Variants in TCAIM observed in about 807,000 individuals in gnomAD.
TCAIM encodes the protein T-cell activation inhibitor, mitochondrial.
Under a neutral mutation model 58.6 loss-of-function variants are expected in TCAIM, and 36 were observed. The ratio of observed to expected loss-of-function variants is 0.61; its 90% confidence interval spans 0.47 to 0.81. The LOEUF is 0.81. Ranked by LOEUF, TCAIM falls within the 30% of genes least tolerant of loss-of-function variation. TCAIM has a pLI of 0.00. For synonymous variants in TCAIM, 172 were observed against 193.6 expected (o/e 0.89, Z 0.93); for missense variants, 466 against 579.6 (o/e 0.80, Z 2.01).
chr3:44,358,919 A>G, intron 3 of TCAIM: 1 of 985,366 alleles, frequency 1.0e-6, no homozygotes, highest in Non-Finnish European at 1.2e-6. Flanking sequence ...ATGATATGTG[A>G]TATGTTGGCT....
chr3:44,392,782 G>A, intron 5 of TCAIM, 73 bp from the exon 6 acceptor site: 1 of 1,401,102 alleles, frequency 7.1e-7, no homozygotes, highest in South Asian at 1.4e-5. Flanking sequence ...GCAAGTGCAT[G>A]CATGTGTCTT....
intron 2 of TCAIM, among the ~76,000 whole-genome samples, chr3:44,356,631 C>T (rs1009580911): frequency 2.6e-5 from 4 of 152,070 alleles, no homozygotes; most frequent in East Asian, 3.9e-4. Flanking sequence ...AAACACCGTA[C>T]TTTTAAAAAA....
intron 3 of TCAIM, chr3:44,358,770 CTTCT>C (rs1488598766): frequency 1.0e-5 from 10 of 985,342 alleles, no homozygotes; most frequent in Non-Finnish European, 1.1e-5. Context: ...TTCAGTGTTC[CTTCT>C]ATTTTCATTA....
chr3:44,356,903 G>C (rs986842853), intron 2 of TCAIM, among the ~76,000 whole-genome samples: 1 of 150,692 alleles, frequency 6.6e-6, no homozygotes, highest in Non-Finnish European at 1.5e-5. Flanking sequence ...TTGAACCTGA[G>C]AGGCAGAAGA....
Position 44,379,501 on chromosome 3 carries a change from G to A in TCAIM, c.572+11793G>A, listed in dbSNP as rs13316227. Among the ~76,000 whole-genome samples the A allele has an allele frequency of 8.3e-3, 1,262 of 152,250 alleles. 17 individuals carry two copies. Among genetic ancestry groups the A allele is most frequent in the African/African-American group, 0.029 (1,207 of 41,536 alleles). On this transcript the variant is annotated intron_variant, in intron 5 of 10. Transcript: ENST00000342649. ...CCATCAATGGACTGGGACTGGTTAA[G>A]GGAAATGTGGTACATATACCTAATG...
At chr3:44,379,829 C>T (rs542366700) in intron 5 of TCAIM, among the ~76,000 whole-genome samples, 2 of 152,188 alleles carry the variant, frequency 1.3e-5, no homozygotes, top group East Asian at 3.9e-4. Context: ...CGTTACGTTA[C>T]ACCCATGTAA....
At position 44,372,077 on chromosome 3, in the gene TCAIM, G is replaced by GGAACGAAC. The variant is rs1232901051; in HGVS notation, c.572+4369_572+4370insGAACGAAC. Among the ~76,000 whole-genome samples the GGAACGAAC allele has an allele frequency of 2.1e-5, 3 of 146,238 alleles. No homozygotes were observed. In the South Asian group the frequency reaches 6.6e-4, roughly 32 times the overall value. On this transcript the variant is annotated intron_variant, in intron 5 of 10. Coordinates refer to ENST00000342649, the MANE Select transcript of TCAIM (RefSeq NM_173826.4). ...AGGAAGGAAGGAAGGAAGGAAGGAA[G>GGAACGAAC]ATACAGTATTAGCAAGATGTGAAAC...
intron 1 of TCAIM, among the ~76,000 whole-genome samples, chr3:44,353,748 T>A (rs1203278608): frequency 6.6e-6 from 1 of 152,194 alleles, no homozygotes; most frequent in Non-Finnish European, 1.5e-5. Flanking sequence ...TCTGTTAAGG[T>A]TTTTTGCCCA....
intron 5 of TCAIM, among the ~76,000 whole-genome samples, chr3:44,375,941 A>G (rs1192365690): frequency 6.6e-6 from 1 of 152,254 alleles, no homozygotes; most frequent in East Asian, 1.9e-4. Context: ...ACCAACTGAT[A>G]AATGGATTTT....
At chr3:44,348,034 A>G (rs905783588) in intron 1 of TCAIM, among the ~76,000 whole-genome samples, 6 of 152,210 alleles carry the variant, frequency 3.9e-5, no homozygotes, top group Admixed American at 1.3e-4. Context: ...ATAACTAAAA[A>G]GTAGTGCATA....
At chr3:44,373,633 GAC>G (rs1559572069) in intron 5 of TCAIM, among the ~76,000 whole-genome samples, 1 of 152,100 alleles carries the variant, frequency 6.6e-6, no homozygotes, top group Non-Finnish European at 1.5e-5. Flanking sequence ...TAGCGTGGGT[GAC>G]AGAGTGAGAC....
chr3:44,379,315 A>G (rs1701618689), intron 5 of TCAIM, among the ~76,000 whole-genome samples: 1 of 152,212 alleles, frequency 6.6e-6, no homozygotes, highest in African/African-American at 2.4e-5. Context: ...TAGTGTGGCA[A>G]TTCCTCAAAG....
chr3:44,407,886 A>G lies in TCAIM; in HGVS notation c.*204A>G, dbSNP rs2125660572. 4.1e-6 allele frequency: 2 copies of G among 487,218 alleles called. No homozygotes were observed. The highest frequency in any genetic ancestry group is 2.0e-5 in the African/African-American group (1 of 49,932). 30.2% of individuals were successfully genotyped at this position (487,218 alleles called of 1,614,324 possible). A position where few individuals can be genotyped will look rare whatever the true frequency, so the allele number is the denominator to read the frequency against. On this transcript the variant is annotated 3_prime_UTR_variant, in exon 11 of 11. Coordinates refer to ENST00000342649, the MANE Select transcript of TCAIM (RefSeq NM_173826.4). ...CGTGGTGGCTCATGCCTGCGGTCCC[A>G]GCTACTTAGGGAGGCTAAGATAGGA...
intron 5 of TCAIM, among the ~76,000 whole-genome samples, chr3:44,376,810 C>T (rs1026002976): frequency 5.3e-5 from 8 of 152,140 alleles, no homozygotes; most frequent in East Asian, 3.9e-4. Flanking sequence ...ATGATTTGGC[C>T]GGGCGAGGTG....
intron 5 of TCAIM, among the ~76,000 whole-genome samples, chr3:44,376,984 G>A (rs1701575663): frequency 6.6e-6 from 1 of 152,178 alleles, no homozygotes; most frequent in African/African-American, 2.4e-5. Context: ...CAGCTACTCG[G>A]GAGGCTGAGG....
intron 5 of TCAIM, among the ~76,000 whole-genome samples, chr3:44,379,714 G>T (rs1701625487): frequency 1.3e-5 from 2 of 152,070 alleles, no homozygotes; most frequent in South Asian, 4.2e-4. Context: ...AGACACTGGG[G>T]ATAACTAGAG....
chr3:44,366,324 G>C (rs1297089070), intron 4 of TCAIM, among the ~76,000 whole-genome samples: 2 of 149,730 alleles, frequency 1.3e-5, no homozygotes, highest in Non-Finnish European at 3.0e-5. Flanking sequence ...GTCTTGCTCT[G>C]TCACCCAGGC....
intron 10 of TCAIM, 38 bp downstream of exon 10, chr3:44,401,372 A>G: frequency 1.2e-6 from 2 of 1,609,884 alleles, no homozygotes; most frequent in Non-Finnish European, 1.7e-6. Context: ...CAGATCATTC[A>G]GTCTAACTGA....
chr3:44,409,245 G>A lies in TCAIM; in HGVS notation c.*1563G>A, dbSNP rs924589693. 1 of 152,102 alleles carries A rather than the reference G, an allele frequency of 6.6e-6. No homozygotes were observed. The highest frequency in any genetic ancestry group is 1.5e-5 in the Non-Finnish European group (1 of 68,008). 9.4% of individuals were successfully genotyped at this position (152,102 alleles called of 1,614,324 possible). On this transcript the variant is annotated 3_prime_UTR_variant, in exon 11 of 11. Transcript: ENST00000342649. ...AACTGTACTTAAATTTTGTTTTCTA[G>A]TGTAACAAATGTTTCCCATAAGATT...
Sources: allele counts gnomAD v4.1 joint callset (sites outside exome capture counted in the v4.1 genomes callset), GRCh38; gene constraint gnomAD v4.1.1; transcripts MANE v1.5; gene names NCBI Gene and HGNC (gene_info 2026-07-23, HGNC 2026-07-21).